Variants in SEMA5A observed in about 807,000 individuals in gnomAD.
SEMA5A encodes semaphorin-5A.
In SEMA5A, 55 loss-of-function variants were observed where a neutral mutation model predicts 135.5. The ratio of observed to expected loss-of-function variants is 0.41; its 90% CI spans 0.33 to 0.51. The LOEUF (loss-of-function observed/expected upper bound fraction) is 0.51. Among genes scored for constraint, SEMA5A ranks in the 20% least tolerant of loss-of-function variants. SEMA5A has a pLI of 0.37. For synonymous variants in SEMA5A, 580 were observed against 546.5 expected (o/e 1.06, Z -0.85); for missense variants, 1,290 against 1,419.9 (o/e 0.91, Z 1.47).
chr5:9,156,082 A>G (rs887581186), intron 11 of SEMA5A, among the ~76,000 whole-genome samples: 1 of 152,208 alleles, frequency 6.6e-6, no homozygotes, highest in African/African-American at 2.4e-5. Flanking sequence ...ATTTGTGTTC[A>G]TGTAAAAGGG....
At chr5:9,468,873 A>G (rs1443594993) in intron 1 of SEMA5A, among the ~76,000 whole-genome samples, 1 of 152,170 alleles carries the variant, frequency 6.6e-6, no homozygotes, top group Non-Finnish European at 1.5e-5. Flanking sequence ...AGCATTTCAT[A>G]CCTACCGTCA....
intron 3 of SEMA5A, among the ~76,000 whole-genome samples, chr5:9,353,985 A>AG (rs920557635): frequency 6.6e-6 from 1 of 151,838 alleles, no homozygotes; most frequent in Non-Finnish European, 1.5e-5. Context: ...AAAAAAAAAA[A>AG]AAAGAAACAA....
intron 2 of SEMA5A, among the ~76,000 whole-genome samples, chr5:9,384,713 T>TAGATAGATAGATAGAC (rs1398018087): frequency 9.9e-6 from 1 of 100,822 alleles, no homozygotes; most frequent in African/African-American, 4.3e-5. Flanking sequence ...GATAGATAGA[T>TAGATAGATAGATAGAC]AGACAGACAG....
rs147757405 is a variant in SEMA5A at position 9,469,721 on chromosome 5, T to G, written c.-174-31869A>C. 2.4e-3 allele frequency among the ~76,000 whole-genome samples: 362 copies of G among 152,332 alleles called. 2 individuals are homozygous for G. The highest frequency in any genetic ancestry group is 4.1e-3 in the Non-Finnish European group (280 of 68,028). Reference sequence around the variant, plus strand: ...TTGTTCATGATTTTTTTTAATCTTCTTCTTCCAAATTATAAATGGCAGAAA... The same window carrying G: ...TTGTTCATGATTTTTTTTAATCTTCGTCTTCCAAATTATAAATGGCAGAAA... On this transcript the variant is annotated intron_variant, in intron 1 of 22. Transcript: ENST00000382496.
chr5:9,281,926 C>T (rs1227837327), intron 5 of SEMA5A, among the ~76,000 whole-genome samples: 2 of 150,918 alleles, frequency 1.3e-5, no homozygotes, highest in Non-Finnish European at 2.9e-5. Flanking sequence ...CTGGGTTCTG[C>T]CTCAGCCTGT....
chr5:9,212,234 C>T (rs1270477789), intron 8 of SEMA5A, among the ~76,000 whole-genome samples: 2 of 152,222 alleles, frequency 1.3e-5, no homozygotes, highest in African/African-American at 4.8e-5. Context: ...TGTTCCCCAA[C>T]TTGATTGCCA....
chr5:9,372,834 T>G (rs765916085), intron 3 of SEMA5A, among the ~76,000 whole-genome samples: 2 of 152,216 alleles, frequency 1.3e-5, no homozygotes, highest in Non-Finnish European at 2.9e-5. Context: ...AAACATCTCC[T>G]TCACTCATCC....
At chr5:9,385,304 A>T (rs1322334757) in intron 2 of SEMA5A, among the ~76,000 whole-genome samples, 1 of 152,218 alleles carries the variant, frequency 6.6e-6, no homozygotes, top group Non-Finnish European at 1.5e-5. Flanking sequence ...TGCTCCTTTT[A>T]GGAAAAAAAA....
At chr5:9,257,597 T>C (rs1805976) in intron 5 of SEMA5A, among the ~76,000 whole-genome samples, 2 of 149,158 alleles carry the variant, frequency 1.3e-5, no homozygotes, top group African/African-American at 4.9e-5. Flanking sequence ...TATTTTGCTC[T>C]AAAAAAAAAA....
chr5:9,149,625 CAG>C (rs1742523605), intron 12 of SEMA5A, among the ~76,000 whole-genome samples: 1 of 152,158 alleles, frequency 6.6e-6, no homozygotes. Context: ...GCCTGGGTAA[CAG>C]AGTGAGACTC....
intron 1 of SEMA5A, among the ~76,000 whole-genome samples, chr5:9,441,776 C>T (rs1190533113): frequency 6.6e-6 from 1 of 152,092 alleles, no homozygotes; most frequent in African/African-American, 2.4e-5. Context: ...ACGATGACTA[C>T]CTGCAAGATC....
chr5:9,162,717 C>T (rs190360245), intron 11 of SEMA5A, among the ~76,000 whole-genome samples: 10 of 151,514 alleles, frequency 6.6e-5, no homozygotes, highest in Admixed American at 6.6e-4. Flanking sequence ...AAATTTGAAC[C>T]TTCTTTCATC....
chr5:9,288,766 A>G (rs1378807396), intron 5 of SEMA5A, among the ~76,000 whole-genome samples: 1 of 152,232 alleles, frequency 6.6e-6, no homozygotes, highest in Non-Finnish European at 1.5e-5. Flanking sequence ...AAGTGGCTGG[A>G]ACCAAAATGT....
At chr5:9,398,794 C>T (rs1438023558) in intron 2 of SEMA5A, among the ~76,000 whole-genome samples, 1 of 152,144 alleles carries the variant, frequency 6.6e-6, no homozygotes, top group East Asian at 1.9e-4. Flanking sequence ...AAGTATGATT[C>T]GGCAAAGTGA....
rs572007921 is a variant in SEMA5A, at chr5:9,242,144, A to G, written c.271-4254T>C. On this transcript the variant is annotated intron_variant, in intron 5 of 22. Coordinates refer to ENST00000382496, the MANE Select transcript of SEMA5A (RefSeq NM_003966.3). ...TTATAAACAAATCGTCAGGGTATGC[A>G]AGACTATATCTTTGTTCAAAACTGA... Among the ~76,000 whole-genome samples, 45 of 152,358 alleles carry G rather than the reference A, an allele frequency of 3.0e-4. 1 individual carries two copies. The highest frequency in any genetic ancestry group is 1.3e-3 in the Admixed American group (20 of 15,300).
At chr5:9,540,555 C>T (rs1357414442) in intron 1 of SEMA5A, among the ~76,000 whole-genome samples, 1 of 152,030 alleles carries the variant, frequency 6.6e-6, no homozygotes, top group Non-Finnish European at 1.5e-5. Context: ...CAAGATCGCG[C>T]CACTGCACCC....
At chr5:9,086,421 T>C (rs1314110393) in intron 16 of SEMA5A, among the ~76,000 whole-genome samples, 1 of 152,106 alleles carries the variant, frequency 6.6e-6, no homozygotes, top group Non-Finnish European at 1.5e-5. Flanking sequence ...GTTCTCATGA[T>C]AGTGATAAGT....
At chr5:9,161,345 C>T (rs1214885748) in intron 11 of SEMA5A, among the ~76,000 whole-genome samples, 2 of 152,078 alleles carry the variant, frequency 1.3e-5, no homozygotes, top group Non-Finnish European at 2.9e-5. Context: ...TTTATCTAGA[C>T]TAGCACTGTC....
intron 22 of SEMA5A, among the ~76,000 whole-genome samples, chr5:9,044,040 C>T (rs949139550): frequency 2.0e-5 from 3 of 152,278 alleles, no homozygotes; most frequent in Middle Eastern, 3.4e-3. Flanking sequence ...GCTTCATTCC[C>T]CAGATCTACC....
Sources: gnomAD v4.1 joint callset for allele counts (sites outside exome capture counted in the v4.1 genomes callset) on GRCh38, gnomAD v4.1.1 for gene constraint, MANE v1.5 for transcripts, NCBI Gene and HGNC (gene_info 2026-07-23, HGNC 2026-07-21) for gene names.